Variants in EBF1 observed in about 807,000 individuals in gnomAD.
The protein encoded by EBF1 is EBF transcription factor 1.
In EBF1, 10 loss-of-function variants were observed where a neutral mutation model predicts 68.4. That is an observed-to-expected ratio of 0.15 (90% confidence interval 0.09 to 0.25). EBF1 has a LOEUF of 0.25. Ranked by LOEUF, EBF1 falls within the 10% of genes least tolerant of loss-of-function variation. The pLI, the probability that EBF1 is intolerant of heterozygous loss-of-function variation, is 1.00. For missense variants in EBF1, 509 were observed against 794.4 expected, an observed-to-expected ratio of 0.64 and a Z score of 4.32; for synonymous variants, 298 against 299.8, an observed-to-expected ratio of 0.99 and a Z score of 0.06.
At chr5:159,049,907 C>CA (rs1773190797) in intron 6 of EBF1, among the ~76,000 whole-genome samples, 1 of 152,208 alleles carries the variant, frequency 6.6e-6, no homozygotes, top group Non-Finnish European at 1.5e-5. Flanking sequence ...CTCTCTCCGA[C>CA]ACAGCACAGC....
chr5:158,804,308 G>T (rs1020716643), intron 8 of EBF1, among the ~76,000 whole-genome samples: 4 of 151,944 alleles, frequency 2.6e-5, no homozygotes, highest in Non-Finnish European at 2.9e-5. Flanking sequence ...TCCAATTTAT[G>T]CCATTTGCTA....
At chr5:158,715,576 C>T (rs959745387) in intron 11 of EBF1, among the ~76,000 whole-genome samples, 2 of 152,108 alleles carry the variant, frequency 1.3e-5, no homozygotes, top group Non-Finnish European at 2.9e-5. Context: ...AGCTGATAGA[C>T]CCCCTTTATA....
At chr5:158,864,223 CAAAA>C (rs34498854) in intron 6 of EBF1, among the ~76,000 whole-genome samples, 3 of 58,564 alleles carry the variant, frequency 5.1e-5, no homozygotes, top group Non-Finnish European at 7.4e-5. Flanking sequence ...GACTCTGTCT[CAAAA>C]AAAAAAAAAA....
chr5:159,063,694 C>T (rs1360061917), intron 6 of EBF1, among the ~76,000 whole-genome samples: 2 of 152,138 alleles, frequency 1.3e-5, no homozygotes, highest in African/African-American at 4.8e-5. Flanking sequence ...TCTAAGGAGA[C>T]TTAGCTACCA....
In EBF1 at chr5:158,696,795, T is replaced by C. The variant is rs1249860150; in HGVS notation, c.*2316A>G. ...CCATTGCAAAATCCATATGGGGGCA[T>C]GCACAGTTGCAGCATTGTTGTAAAT... On this transcript the variant is annotated 3_prime_UTR_variant, in exon 16 of 16. Transcript: ENST00000313708. The C allele has an allele frequency of 6.0e-6, 1 of 167,100 alleles. No homozygotes were observed. Among genetic ancestry groups the C allele is most frequent in the African/African-American group, 2.6e-5 (1 of 38,038 alleles). The allele number at this position is 167,100 out of a possible 1,614,324, so 10.4% of individuals were successfully genotyped here.
chr5:158,867,552 G>A (rs773047791), intron 6 of EBF1, among the ~76,000 whole-genome samples: 12 of 151,976 alleles, frequency 7.9e-5, no homozygotes, highest in African/African-American at 7.3e-5. Context: ...CATACACAGC[G>A]ACAAAACTCT....
At chr5:158,768,997 C>A (rs1352109754) in intron 10 of EBF1, among the ~76,000 whole-genome samples, 1 of 152,136 alleles carries the variant, frequency 6.6e-6, no homozygotes, top group Non-Finnish European at 1.5e-5. Context: ...ACATATACAG[C>A]TCAGTTCCTA....
intron 6 of EBF1, among the ~76,000 whole-genome samples, chr5:158,880,611 A>T (rs530265239): frequency 6.6e-6 from 1 of 152,356 alleles, no homozygotes; most frequent in Non-Finnish European, 1.5e-5. Flanking sequence ...AATGCAATAT[A>T]CAAAGTCAGG....
At chr5:159,078,419 C>A (rs969825848) in intron 5 of EBF1, among the ~76,000 whole-genome samples, 1 of 152,146 alleles carries the variant, frequency 6.6e-6, no homozygotes, top group African/African-American at 2.4e-5. Context: ...AAGCACTTAA[C>A]GGAAAAAGTG....
intron 10 of EBF1, among the ~76,000 whole-genome samples, chr5:158,758,300 G>A (rs1234557956): frequency 6.6e-6 from 1 of 152,136 alleles, no homozygotes; most frequent in Non-Finnish European, 1.5e-5. Flanking sequence ...GAAAATCACA[G>A]TGACAGTCAC....
intron 10 of EBF1, among the ~76,000 whole-genome samples, chr5:158,745,272 C>A (rs115735823): frequency 6.6e-6 from 1 of 152,012 alleles, no homozygotes; most frequent in African/African-American, 2.4e-5. Context: ...GCTATTAGCT[C>A]GTGAGATGGT....
chr5:158,848,104 G>A (rs6883655), intron 6 of EBF1, among the ~76,000 whole-genome samples: 130,872 of 152,236 alleles, frequency 0.86, 56,547 homozygotes, highest in East Asian at 0.96. Flanking sequence ...GCATGTATCA[G>A]TTTACTCTGT....
chr5:158,930,101 C>A (rs1810522987), intron 6 of EBF1, among the ~76,000 whole-genome samples: 1 of 151,968 alleles, frequency 6.6e-6, no homozygotes, highest in South Asian at 2.1e-4. Flanking sequence ...AGATAAAATT[C>A]ATTACCATAA....
chr5:159,081,321 T>G (rs1374215252), intron 5 of EBF1, among the ~76,000 whole-genome samples: 1 of 152,228 alleles, frequency 6.6e-6, no homozygotes, highest in African/African-American at 2.4e-5. Flanking sequence ...TTTTCATGGT[T>G]GTTCTATTTT....
At chr5:159,070,162 C>A (rs1777552637) in intron 6 of EBF1, among the ~76,000 whole-genome samples, 1 of 152,174 alleles carries the variant, frequency 6.6e-6, no homozygotes. Flanking sequence ...GTCTATGCAG[C>A]TCAAATATCT....
intron 6 of EBF1, among the ~76,000 whole-genome samples, chr5:158,963,935 G>A (rs113924234): frequency 3.3e-5 from 5 of 152,288 alleles, no homozygotes; most frequent in African/African-American, 7.2e-5. Flanking sequence ...CAAGGAGCTC[G>A]CTGCTGGGGA....
intron 8 of EBF1, among the ~76,000 whole-genome samples, chr5:158,799,800 T>C (rs1780264418): frequency 6.6e-6 from 1 of 152,200 alleles, no homozygotes; most frequent in Non-Finnish European, 1.5e-5. Flanking sequence ...CCTAGCATCG[T>C]CTGGGTTTCT....
At chr5:159,041,713 T>C (rs1367465170) in intron 6 of EBF1, among the ~76,000 whole-genome samples, 2 of 152,210 alleles carry the variant, frequency 1.3e-5, no homozygotes, top group Non-Finnish European at 2.9e-5. Flanking sequence ...GAATAAAATG[T>C]CTATTTCTAG....
At chr5:158,722,207 T>C (rs144358387) in intron 11 of EBF1, among the ~76,000 whole-genome samples, 102 of 152,322 alleles carry the variant, frequency 6.7e-4, no homozygotes, top group African/African-American at 2.3e-3. Context: ...TGGACAGAGA[T>C]GCCTTTTTCA....
Sources: allele counts gnomAD v4.1 joint callset (sites outside exome capture counted in the v4.1 genomes callset), GRCh38; gene constraint gnomAD v4.1.1; transcripts MANE v1.5; gene names NCBI Gene and HGNC (gene_info 2026-07-23, HGNC 2026-07-21).